The following ZNF385D variants were observed in gnomAD, a reference collection of about 807,000 sequenced individuals.
ZNF385D encodes zinc finger protein 385D, also known as zinc finger protein 659.
ZNF385D carries 15 observed loss-of-function variants against 35.8 expected under a neutral mutation model. The ratio of observed to expected loss-of-function variants is 0.42; its 90% confidence interval spans 0.28 to 0.64. The LOEUF is 0.64. Among genes scored for constraint, ZNF385D ranks in the 30% least tolerant of loss-of-function variants. ZNF385D has a pLI of 0.23. For missense variants in ZNF385D, 474 were observed against 494.6 expected (o/e 0.96, Z 0.39); for synonymous variants, 212 against 186.8 (o/e 1.13, Z -1.10).
At chr3:22,017,705 A>G (rs1400961165) in intron 3 of ZNF385D, among the ~76,000 whole-genome samples, 2 of 151,908 alleles carry the variant, frequency 1.3e-5, no homozygotes, top group South Asian at 2.1e-4. Flanking sequence ...CTTGGCAGCA[A>G]TGTCCTAAAT....
chr3:21,867,600 T>C (rs12495275), intron 3 of ZNF385D, among the ~76,000 whole-genome samples: 10,547 of 152,280 alleles, frequency 0.069, 542 homozygotes, highest in East Asian at 0.2. Flanking sequence ...TTTACATTTC[T>C]AGTTTTTAAC....
chr3:22,133,368 T>C (rs552514116), intron 3 of ZNF385D, among the ~76,000 whole-genome samples: 1 of 151,882 alleles, frequency 6.6e-6, no homozygotes, highest in Non-Finnish European at 1.5e-5. Flanking sequence ...TATCTCTATA[T>C]GGGGTGTGCC....
intron 2 of ZNF385D, among the ~76,000 whole-genome samples, chr3:22,296,035 G>A (rs974011107): frequency 6.6e-6 from 1 of 152,086 alleles, no homozygotes. Flanking sequence ...GCATGGCCCA[G>A]GGAAAAAGTA....
At chr3:21,859,501 T>G (rs970387661) in intron 3 of ZNF385D, among the ~76,000 whole-genome samples, 31 of 151,940 alleles carry the variant, frequency 2.0e-4, no homozygotes, top group Non-Finnish European at 1.5e-4. Flanking sequence ...CTCCACTCTC[T>G]TTGCTCTGAT....
chr3:21,963,103 T>A (rs1343089348), intron 3 of ZNF385D, among the ~76,000 whole-genome samples: 2 of 152,204 alleles, frequency 1.3e-5, no homozygotes, highest in African/African-American at 2.4e-5. Context: ...TAATGACCCT[T>A]TCCCAAGAAA....
At chr3:21,734,008 C>A (rs2069131463) in intron 1 of ZNF385D, among the ~76,000 whole-genome samples, 1 of 152,092 alleles carries the variant, frequency 6.6e-6, no homozygotes, top group South Asian at 2.1e-4. Flanking sequence ...TTAGAATATG[C>A]TTCCCCGTCA....
chr3:22,365,637 G>A (rs978680920), intron 2 of ZNF385D, among the ~76,000 whole-genome samples: 4 of 152,040 alleles, frequency 2.6e-5, no homozygotes, highest in African/African-American at 9.7e-5. Context: ...TTAAGACTTT[G>A]GGGAATTCAA....
At chr3:21,696,848 C>A (rs980226841) in intron 1 of ZNF385D, among the ~76,000 whole-genome samples, 1 of 152,176 alleles carries the variant, frequency 6.6e-6, no homozygotes, top group Non-Finnish European at 1.5e-5. Flanking sequence ...AGCACATTAC[C>A]TCTGAATTGG....
intron 3 of ZNF385D, among the ~76,000 whole-genome samples, chr3:21,529,236 A>C (rs543988237): frequency 6.6e-6 from 1 of 152,266 alleles, no homozygotes; most frequent in African/African-American, 2.4e-5. Context: ...CAGGAAAGCC[A>C]GGTAACGTCT....
chr3:21,734,576 T>C (rs1393352648), intron 1 of ZNF385D, among the ~76,000 whole-genome samples: 1 of 150,862 alleles, frequency 6.6e-6, no homozygotes, highest in Non-Finnish European at 1.5e-5. Flanking sequence ...ATGGACAACA[T>C]GAGGTAAAGA....
At chr3:21,778,376 C>T (rs1172117975) in intron 3 of ZNF385D, among the ~76,000 whole-genome samples, 4 of 151,858 alleles carry the variant, frequency 2.6e-5, no homozygotes, top group African/African-American at 4.8e-5. Flanking sequence ...TATCCCTACC[C>T]GCAGAGATAC....
chr3:21,972,813 T>C (rs981456637), intron 3 of ZNF385D, among the ~76,000 whole-genome samples: 8 of 151,914 alleles, frequency 5.3e-5, no homozygotes, highest in Admixed American at 3.3e-4. Context: ...TGCCAATAAA[T>C]TGGAAAACGT....
intron 5 of ZNF385D, among the ~76,000 whole-genome samples, chr3:21,430,478 A>C (rs1353149367): frequency 6.6e-6 from 1 of 152,080 alleles, no homozygotes; most frequent in East Asian, 1.9e-4. Flanking sequence ...GACCAAAGGA[A>C]ACCCAGGGAA....
chr3:21,945,173 T>G lies in ZNF385D; in HGVS notation c.325+223644A>C, dbSNP rs866477590. ...ATATATATACACACACATATATATA[T>G]AGTGAGAGAGAGAGAGACAGATTGA... On this transcript the variant is annotated intron_variant, in intron 3 of 5. Coordinates refer to the ZNF385D transcript ENST00000494108. 4.0e-5 allele frequency among the ~76,000 whole-genome samples: 6 copies of G among 150,704 alleles called. 1 individual carries two copies. In the South Asian group the frequency reaches 8.3e-4, roughly 21 times the overall value.
At chr3:21,602,699 A>ATT (rs551180104) in intron 2 of ZNF385D, among the ~76,000 whole-genome samples, 4 of 145,634 alleles carry the variant, frequency 2.7e-5, no homozygotes, top group Admixed American at 1.4e-4. Context: ...CGCCCGGCTA[A>ATT]TTTTTTTGTA....
chr3:22,004,471 A>G (rs1310521241), intron 3 of ZNF385D, among the ~76,000 whole-genome samples: 2 of 152,238 alleles, frequency 1.3e-5, no homozygotes, highest in African/African-American at 4.8e-5. Flanking sequence ...CAGCAAGAGA[A>G]ACAATCAACG....
chr3:22,366,698 T>A (rs1229317851), intron 2 of ZNF385D, among the ~76,000 whole-genome samples: 1 of 152,200 alleles, frequency 6.6e-6, no homozygotes, highest in Non-Finnish European at 1.5e-5. Context: ...TAGTTCGTAA[T>A]CCTTAGAACC....
At chr3:21,770,210 T>C (rs1399972108) in intron 3 of ZNF385D, among the ~76,000 whole-genome samples, 1 of 151,998 alleles carries the variant, frequency 6.6e-6, no homozygotes, top group Non-Finnish European at 1.5e-5. Flanking sequence ...CCAAAAGCAA[T>C]GGCAACAAAA....
intron 3 of ZNF385D, among the ~76,000 whole-genome samples, chr3:21,861,811 T>C (rs929952605): frequency 6.6e-6 from 1 of 152,098 alleles, no homozygotes; most frequent in Non-Finnish European, 1.5e-5. Context: ...GTGTCTTTGG[T>C]TGAAGTAACC....
Sources: allele counts gnomAD v4.1 joint callset (sites outside exome capture counted in the v4.1 genomes callset), GRCh38; gene constraint gnomAD v4.1.1; transcripts MANE v1.5; gene names NCBI Gene and HGNC (gene_info 2026-07-23, HGNC 2026-07-21).